The following DBT variants were observed in gnomAD, a reference collection of about 807,000 sequenced individuals.
DBT encodes the protein dihydrolipoamide branched chain transacylase E2.
DBT carries 40 observed loss-of-function variants against 51.3 expected under a neutral mutation model. That is an observed-to-expected ratio of 0.78 (90% CI 0.61 to 1.02). The LOEUF is 1.02. Among genes scored for constraint, DBT ranks in the 50% least tolerant of loss-of-function variants. The pLI is 0.00. For synonymous variants in DBT, 181 were observed against 190.4 expected, an observed-to-expected ratio of 0.95 and a Z score of 0.41; for missense variants, 510 against 580.2, an observed-to-expected ratio of 0.88 and a Z score of 1.24.
chr1:100,243,620 G>A (rs1198052488), intron 1 of DBT, among the ~76,000 whole-genome samples: 1 of 152,040 alleles, frequency 6.6e-6, no homozygotes, highest in Non-Finnish European at 1.5e-5. Context: ...ATGGTGCCCG[G>A]CCCAGACATC....
intron 1 of DBT, among the ~76,000 whole-genome samples, chr1:100,245,603 C>T (rs151079264): frequency 1.3e-5 from 2 of 152,262 alleles, no homozygotes; most frequent in Non-Finnish European, 2.9e-5. Flanking sequence ...AACAACTATA[C>T]GTGTAGTCTA....
intron 7 of DBT, chr1:100,213,270 C>T: frequency 7.5e-7 from 1 of 1,341,884 alleles, no homozygotes; most frequent in Non-Finnish European, 9.5e-7. Context: ...CCGCCGGGGC[C>T]GACAGAGCCG....
At chr1:100,245,318 A>G (rs1664472346) in intron 1 of DBT, among the ~76,000 whole-genome samples, 1 of 148,210 alleles carries the variant, frequency 6.7e-6, no homozygotes, top group South Asian at 2.3e-4. Context: ...CCAGAATGCT[A>G]GGATTACAGG....
In DBT at chr1:100,225,060, C is replaced by A. The variant is rs201098072; in HGVS notation, c.433+5673G>T. On this transcript the variant is annotated intron_variant, in intron 4 of 10. Coordinates refer to ENST00000370132, the MANE Select transcript of DBT (RefSeq NM_001918.5). ...AAAAAAAAATATATATATACACACA[C>A]ACACACACACACACACACACACACA... Among the ~76,000 whole-genome samples the A allele has an allele frequency of 2.2e-5, 2 of 91,772 alleles. 1 individual carries two copies. Among genetic ancestry groups the A allele is most frequent in the Non-Finnish European group, 4.2e-5 (2 of 48,072 alleles). 60.2% of individuals were successfully genotyped at this position (91,772 alleles called of 152,430 possible).
chr1:100,213,529 C>A (rs931730171), intron 7 of DBT: 1 of 1,552,808 alleles, frequency 6.4e-7, no homozygotes. Context: ...GAGGCTGTCC[C>A]GTCTGCAGGG....
intron 7 of DBT, among the ~76,000 whole-genome samples, chr1:100,214,268 C>G (rs1341458848): frequency 6.6e-6 from 1 of 152,118 alleles, no homozygotes; most frequent in Non-Finnish European, 1.5e-5. Context: ...AGAGGCTTTA[C>G]TTAACTGGCA....
chr1:100,225,108 G>A (rs1663113450), intron 4 of DBT, among the ~76,000 whole-genome samples: 1 of 140,998 alleles, frequency 7.1e-6, no homozygotes, highest in Admixed American at 7.3e-5. Flanking sequence ...TAATCTGATA[G>A]GCTTTGAAAT....
intron 1 of DBT, among the ~76,000 whole-genome samples, chr1:100,246,544 G>A (rs1469277386): frequency 6.6e-6 from 1 of 152,132 alleles, no homozygotes; most frequent in East Asian, 1.9e-4. Context: ...AGAGTCAAAT[G>A]CATTATGTCC....
chr1:100,239,074 A>G lies in DBT; in HGVS notation c.175+1687T>C, dbSNP rs995359833. ...TCTAATTTATTTAATCCACCCAAGTATAAGGATCTTTGTTTTGTGTACTGA... is the reference window on the plus strand; with the variant it reads ...TCTAATTTATTTAATCCACCCAAGTGTAAGGATCTTTGTTTTGTGTACTGA... On this transcript the variant is annotated intron_variant, in intron 2 of 10. Coordinates refer to ENST00000370132, the MANE Select transcript of DBT (RefSeq NM_001918.5). Among the ~76,000 whole-genome samples, 6 of 152,354 alleles carry G rather than the reference A, an allele frequency of 3.9e-5. No individual in the cohort carries two copies. The South Asian group carries it at 1.0e-3, about 26-fold the overall frequency.
rs772021583 is a variant in DBT, at chr1:100,206,436, A to G, written c.1209+9T>C. 3.7e-6 allele frequency: 6 copies of G among 1,604,298 alleles called. No individual in the cohort carries two copies. The South Asian group carries it at 6.6e-5, about 18-fold the overall frequency. On this transcript the variant is annotated intron_variant, in intron 9 of 10. Coordinates refer to ENST00000370132, the MANE Select transcript of DBT (RefSeq NM_001918.5). Reference sequence around the variant, plus strand: ...GTAATGGTTTATGTATTTCAACATTATTACTCACTGATCCAATGTTGGAAA... The same window carrying G: ...GTAATGGTTTATGTATTTCAACATTGTTACTCACTGATCCAATGTTGGAAA...
chr1:100,210,340 G>T (rs61812621), intron 8 of DBT, among the ~76,000 whole-genome samples: 111,828 of 146,846 alleles, frequency 0.76, 44,524 homozygotes, highest in East Asian at 0.93. Flanking sequence ...AGAAGAAGAA[G>T]AAGAAGAATA....
rs144172508 is a variant in DBT, at chr1:100,222,746, C to G, written c.434-3999G>C. Among the ~76,000 whole-genome samples the G allele has an allele frequency of 2.9e-3, 434 of 152,276 alleles. 3 individuals are homozygous for G. Among genetic ancestry groups the G allele is most frequent in the African/African-American group, 9.5e-3 (395 of 41,548 alleles). On this transcript the variant is annotated intron_variant, in intron 4 of 10. Coordinates refer to ENST00000370132, the MANE Select transcript of DBT (RefSeq NM_001918.5). ...AAGTATTCTGCTAAAGCTCATGTCC[C>G]TCTTTCTCCTCCTTTCACTGCCCCA...
intron 3 of DBT, among the ~76,000 whole-genome samples, chr1:100,231,811 G>C (rs1663569385): frequency 6.6e-6 from 1 of 152,240 alleles, no homozygotes; most frequent in African/African-American, 2.4e-5. Context: ...TGCAACAACT[G>C]AGAAGGATGT....
At chr1:100,206,373 T>C in intron 9 of DBT, 72 bp from the exon 10 acceptor site, 32 of 1,563,334 alleles carry the variant, frequency 2.0e-5, no homozygotes, top group Non-Finnish European at 2.8e-5. Context: ...CCAAGTGACT[T>C]TTCTATTTTT....
chr1:100,235,875 T>C (rs1377965173), intron 2 of DBT, among the ~76,000 whole-genome samples: 1 of 152,244 alleles, frequency 6.6e-6, no homozygotes, highest in Non-Finnish European at 1.5e-5. Flanking sequence ...CTAGATATCC[T>C]TGTTTTAAGT....
At chr1:100,229,671 T>C (rs1281002122) in intron 4 of DBT, among the ~76,000 whole-genome samples, 16 of 152,208 alleles carry the variant, frequency 1.1e-4, no homozygotes, top group Admixed American at 1.0e-3. Flanking sequence ...CAGTGAGATA[T>C]CTTTATCTCA....
chr1:100,234,086 G>A (rs1258131166), intron 3 of DBT, among the ~76,000 whole-genome samples: 1 of 152,046 alleles, frequency 6.6e-6, no homozygotes, highest in Admixed American at 6.6e-5. Flanking sequence ...AATTAAATGA[G>A]GAAGAAAGTC....
At chr1:100,237,962 T>C (rs1435133660) in intron 2 of DBT, among the ~76,000 whole-genome samples, 1 of 152,144 alleles carries the variant, frequency 6.6e-6, no homozygotes, top group East Asian at 1.9e-4. Flanking sequence ...GATTTATATA[T>C]TTATATACTT....
rs1662628496 is a variant in DBT, at chr1:100,218,529, A to G, written c.555+97T>C. On this transcript the variant is annotated intron_variant, in intron 5 of 10. Coordinates refer to ENST00000370132, the MANE Select transcript of DBT (RefSeq NM_001918.5). ...AATATCTTCATGTTTCCTTAATTTC[A>G]TTGAGCTATTTCATCATGGGATAGT... 29 of 1,328,430 alleles carry G rather than the reference A, an allele frequency of 2.2e-5. No individual in the cohort carries two copies. The South Asian group carries it at 3.3e-4, about 15-fold the overall frequency. 82.3% of individuals were successfully genotyped at this position (1,328,430 alleles called of 1,614,324 possible). A position where few individuals can be genotyped will look rare whatever the true frequency, so the allele number is the denominator to read the frequency against.
Sources: gnomAD v4.1 joint callset for allele counts (sites outside exome capture counted in the v4.1 genomes callset) on GRCh38, gnomAD v4.1.1 for gene constraint, MANE v1.5 for transcripts, NCBI Gene and HGNC (gene_info 2026-07-23, HGNC 2026-07-21) for gene names.